The following ADAMTSL1 variants were observed in gnomAD, a reference collection of about 807,000 sequenced individuals.
ADAMTSL1 encodes ADAMTS like 1, also known as ADAMTS-like protein 1.
In ADAMTSL1, 126 loss-of-function variants were observed where a neutral mutation model predicts 201.8. That is an observed-to-expected ratio of 0.62 (90% confidence interval 0.54 to 0.72). The LOEUF is 0.72. Among genes scored for constraint, ADAMTSL1 ranks in the 30% least tolerant of loss-of-function variants. The probability of loss-of-function intolerance (pLI) is 0.00; values close to 1 mark genes in which losing one functional copy is unlikely to be tolerated. For missense variants in ADAMTSL1, 2,679 were observed against 2,277.8 expected (o/e 1.18, Z -3.59); for synonymous variants, 1,121 against 903.4 (o/e 1.24, Z -4.32).
At chr9:18,891,400 A>G (rs1036969815) in intron 25 of ADAMTSL1, among the ~76,000 whole-genome samples, 5 of 152,170 alleles carry the variant, frequency 3.3e-5, no homozygotes, top group African/African-American at 1.2e-4. Context: ...GTTCTAGATT[A>G]CATGAGCAAC....
intron 1 of ADAMTSL1, 99 bp from the exon 2 acceptor site, chr9:18,504,730 C>T: frequency 1.3e-6 from 2 of 1,532,770 alleles, no homozygotes; most frequent in Non-Finnish European, 1.8e-6. Flanking sequence ...CCTAGCAAAG[C>T]CACCATGTAC....
chr9:18,296,836 A>G (rs1833496729), intron 2 of ADAMTSL1, among the ~76,000 whole-genome samples: 1 of 152,162 alleles, frequency 6.6e-6, no homozygotes, highest in Non-Finnish European at 1.5e-5. Flanking sequence ...CTGGAGGTCA[A>G]TGTAATTAAG....
chr9:18,314,945 C>G (rs376032879), intron 2 of ADAMTSL1, among the ~76,000 whole-genome samples: 3 of 150,654 alleles, frequency 2.0e-5, no homozygotes, highest in African/African-American at 4.9e-5. Flanking sequence ...TACAGGCGCC[C>G]GCTACCACGC....
intron 2 of ADAMTSL1, among the ~76,000 whole-genome samples, chr9:18,325,496 T>C: frequency 6.6e-6 from 1 of 152,200 alleles, no homozygotes; most frequent in East Asian, 1.9e-4. Context: ...CAAAATAAGA[T>C]ACACTATTGG....
chr9:18,448,520 T>C (rs978308441), intron 2 of ADAMTSL1, among the ~76,000 whole-genome samples: 1 of 152,232 alleles, frequency 6.6e-6, no homozygotes, highest in African/African-American at 2.4e-5. Context: ...CAGGCACATT[T>C]GTAAGTTGGC....
intron 19 of ADAMTSL1, among the ~76,000 whole-genome samples, chr9:18,791,173 G>C (rs1159116154): frequency 6.6e-6 from 1 of 152,172 alleles, no homozygotes; most frequent in Non-Finnish European, 1.5e-5. Context: ...CGCCAGGCTA[G>C]GTAAACTGAA....
intron 9 of ADAMTSL1, among the ~76,000 whole-genome samples, chr9:18,662,346 A>G (rs962963299): frequency 1.3e-5 from 2 of 152,036 alleles, no homozygotes; most frequent in African/African-American, 4.8e-5. Flanking sequence ...ATTTCCTTTC[A>G]TTCTGGTTCC....
chr9:18,653,882 C>A (rs1236080573), intron 7 of ADAMTSL1, among the ~76,000 whole-genome samples: 2 of 152,130 alleles, frequency 1.3e-5, no homozygotes, highest in Non-Finnish European at 2.9e-5. Flanking sequence ...TTTGGCAAGC[C>A]CTCTTCACTA....
At chr9:18,092,761 A>G (rs1824083189) in intron 1 of ADAMTSL1, among the ~76,000 whole-genome samples, 1 of 152,222 alleles carries the variant, frequency 6.6e-6, no homozygotes, top group Non-Finnish European at 1.5e-5. Flanking sequence ...GTTTTCCATC[A>G]AGATTTCACA....
intron 1 of ADAMTSL1, among the ~76,000 whole-genome samples, chr9:18,020,770 T>C (rs1394960517): frequency 6.6e-6 from 1 of 152,100 alleles, no homozygotes; most frequent in African/African-American, 2.4e-5. Flanking sequence ...TCTCTTGAAA[T>C]GTCTGTCTAC....
At chr9:18,284,588 C>A (rs1832923712) in intron 2 of ADAMTSL1, among the ~76,000 whole-genome samples, 1 of 152,182 alleles carries the variant, frequency 6.6e-6, no homozygotes, top group Non-Finnish European at 1.5e-5. Context: ...GGTTTTGTAA[C>A]CAGGCAGTCT....
chr9:18,085,435 T>C (rs1823705741), intron 1 of ADAMTSL1, among the ~76,000 whole-genome samples: 1 of 150,086 alleles, frequency 6.7e-6, no homozygotes, highest in Non-Finnish European at 1.5e-5. Context: ...ACTAATTATA[T>C]AGTATATATT....
At chr9:18,419,053 T>C (rs2133352463) in intron 2 of ADAMTSL1, among the ~76,000 whole-genome samples, 2 of 152,294 alleles carry the variant, frequency 1.3e-5, no homozygotes, top group South Asian at 4.1e-4. Flanking sequence ...GGCCAATTGA[T>C]TTTTGGCAAA....
intron 2 of ADAMTSL1, among the ~76,000 whole-genome samples, chr9:18,321,198 A>T (rs1170353375): frequency 6.6e-6 from 1 of 152,344 alleles, no homozygotes; most frequent in East Asian, 1.9e-4. Context: ...TCAGGACAAT[A>T]TGTATCACCC....
rs145050519 is a variant in ADAMTSL1, at chr9:18,037,816, G to A, written c.88-126046G>A. 7.2e-5 allele frequency among the ~76,000 whole-genome samples: 11 copies of A among 152,198 alleles called. No individual in the cohort carries two copies. The East Asian group carries it at 9.7e-4, about 13-fold the overall frequency. On this transcript the variant is annotated intron_variant, in intron 1 of 29. Transcript: ENST00000680146. Reference sequence around the variant, plus strand: ...GAAATGCATCCTCTCCAAATACAGCGTGCAGAAATAGCATCTGAAGATTTA... The same window carrying A: ...GAAATGCATCCTCTCCAAATACAGCATGCAGAAATAGCATCTGAAGATTTA...
chr9:18,456,205 A>G (rs1167749158), intron 2 of ADAMTSL1, among the ~76,000 whole-genome samples: 1 of 151,858 alleles, frequency 6.6e-6, no homozygotes, highest in African/African-American at 2.4e-5. Flanking sequence ...AGTTTTTCAT[A>G]CTCCTTTGAG....
At position 18,755,826 on chromosome 9, in the gene ADAMTSL1, G is replaced by A. The variant is rs185731174; in HGVS notation, c.2217+2318G>A. ...AGTCAGGTTTAAGTTCATTCTTCAGGTTGGGAAACTTAATAGTAAACAACT... is the reference window on the plus strand; with the variant it reads ...AGTCAGGTTTAAGTTCATTCTTCAGATTGGGAAACTTAATAGTAAACAACT... On this transcript the variant is annotated intron_variant, in intron 16 of 28. Transcript: ENST00000380548. Among the ~76,000 whole-genome samples the A allele has an allele frequency of 7.9e-5, 12 of 151,956 alleles. No individual in the cohort carries two copies. In the East Asian group the frequency reaches 9.7e-4, roughly 12 times the overall value.
chr9:17,989,156 G>T (rs969214042), intron 1 of ADAMTSL1, among the ~76,000 whole-genome samples: 4 of 151,512 alleles, frequency 2.6e-5, no homozygotes, highest in Non-Finnish European at 5.9e-5. Flanking sequence ...AGAAAAATCA[G>T]AGAATGTAAA....
At chr9:18,082,595 C>T (rs974377330) in intron 1 of ADAMTSL1, among the ~76,000 whole-genome samples, 1 of 152,188 alleles carries the variant, frequency 6.6e-6, no homozygotes, top group African/African-American at 2.4e-5. Flanking sequence ...CACTTGCCTC[C>T]TCTTCAAGCC....
Sources: gnomAD v4.1 joint callset for allele counts (sites outside exome capture counted in the v4.1 genomes callset) on GRCh38, gnomAD v4.1.1 for gene constraint, MANE v1.5 for transcripts, NCBI Gene and HGNC (gene_info 2026-07-23, HGNC 2026-07-21) for gene names.